Variants in PRPF31 observed in about 807,000 individuals in gnomAD.
The protein encoded by PRPF31 is pre-mRNA processing factor 31.
In PRPF31, 12 loss-of-function variants were observed where a neutral mutation model predicts 60.4. That is an observed-to-expected ratio of 0.20 (90% CI 0.13 to 0.32). PRPF31 has a LOEUF of 0.32. PRPF31 is among the 10% of genes least tolerant of loss of function. The pLI is 1.00. For missense variants in PRPF31, 431 were observed against 687.1 expected, an observed-to-expected ratio of 0.63 and a Z score of 4.17; for synonymous variants, 287 against 287.9, an observed-to-expected ratio of 1.00 and a Z score of 0.03.
At chr19:54,130,501 T>C (rs2074026011) in intron 13 of PRPF31, among the ~76,000 whole-genome samples, 1 of 152,114 alleles carries the variant, frequency 6.6e-6, no homozygotes, top group Non-Finnish European at 1.5e-5. Context: ...GGCGGGCGCC[T>C]GTAGTCCCAG....
chr19:54,121,537 T>C (rs587665601), intron 3 of PRPF31, among the ~76,000 whole-genome samples: 3 of 152,256 alleles, frequency 2.0e-5, no homozygotes, highest in African/African-American at 7.2e-5. Context: ...CACTGGTCCC[T>C]GCAGAGCTTC....
chr19:54,129,397 C>T (rs776065664), intron 13 of PRPF31, 27 bp downstream of exon 13: 28 of 1,565,236 alleles, frequency 1.8e-5, no homozygotes, highest in Non-Finnish European at 2.4e-5. Context: ...GGCTCTGTCC[C>T]CAGCCCTGAG....
At chr19:54,123,167 C>T in intron 5 of PRPF31, 1 of 566,752 alleles carries the variant, frequency 1.8e-6, no homozygotes, top group Non-Finnish European at 3.2e-6. Context: ...TGCACTCCGA[C>T]TTGACGCAGG....
chr19:54,128,041 C>T (rs1160610758), intron 9 of PRPF31, 32 bp from the exon 10 acceptor site: 3 of 1,548,186 alleles, frequency 1.9e-6, no homozygotes, highest in Non-Finnish European at 2.6e-6. Context: ...CCCACGCGAG[C>T]AGCTGCAGGA....
chr19:54,119,269 C>T (rs2073728805), intron 3 of PRPF31, among the ~76,000 whole-genome samples: 1 of 151,696 alleles, frequency 6.6e-6, no homozygotes, highest in South Asian at 2.1e-4. Context: ...GTAGTCCCAG[C>T]TACTCAGGAG....
intron 3 of PRPF31, chr19:54,118,845 T>C: frequency 1.6e-6 from 1 of 606,380 alleles, no homozygotes. Context: ...TGTGCTGAGC[T>C]TACTGATCAT....
rs755382635 is a variant in PRPF31 at position 54,123,908 on chromosome 19, C to T, written c.687C>T (p.Ala229=). Residue 229 remains alanine, a synonymous_variant, in exon 7 of 14, where the codon GCC becomes GCT. Transcript: ENST00000321030. ...LSIIIGASTA[A]KIMGVAGGLT... ...TCATTATCGGGGCATCCACGGCCGC[C>T]AAGATCATGGGTGAGTCCCCGGGCT... The T allele has an allele frequency of 6.2e-7, 1 of 1,613,810 alleles. No homozygotes were observed. The highest frequency in any genetic ancestry group is 1.3e-5 in the African/African-American group (1 of 75,048).
At chr19:54,122,816 T>C in intron 5 of PRPF31, 1 of 624,320 alleles carries the variant, frequency 1.6e-6, no homozygotes, top group Non-Finnish European at 2.9e-6. Flanking sequence ...CCCGCTGGCC[T>C]GACCCACGCT....
intron 7 of PRPF31, chr19:54,124,290 A>C: frequency 1.6e-6 from 1 of 644,718 alleles, no homozygotes; most frequent in Non-Finnish European, 2.7e-6. Flanking sequence ...CTGCACCCCC[A>C]GGCCAGCTGC....
At position 54,122,739 on chromosome 19, in the gene PRPF31, G is replaced by A. The variant is rs587623605; in HGVS notation, c.420+145G>A. 7.7e-5 allele frequency: 58 copies of A among 748,618 alleles called. 2 individuals are homozygous for A. The South Asian group carries it at 8.2e-4, about 11-fold the overall frequency. The allele number at this position is 748,618 out of a possible 1,614,324, so 46.4% of individuals were successfully genotyped here. A position where few individuals can be genotyped will look rare whatever the true frequency, so the allele number is the denominator to read the frequency against. ...CAGTGGTCTGCTCTGCCCAGCGTGG[G>A]AGGGACGGAGCCTGGACAGGACTTT... is the stretch of plus-strand genomic sequence containing the variant. On this transcript the variant is annotated intron_variant, in intron 5 of 13. Coordinates refer to ENST00000321030, the MANE Select transcript of PRPF31 (RefSeq NM_015629.4).
Position 54,128,194 on chromosome 19 carries a change from G to A in PRPF31, c.1067G>A (p.Gly356Asp). ...PLDGQRKKRG[G>D]RRYRKMKERL... ...GATGGACAGCGGAAGAAGCGAGGCG[G>A]CCGCAGGTGAGGGGCCCTGGGGGTC... Residue 356 changes from glycine (G) to aspartate (D), a missense_variant, in exon 10 of 14, where the codon GGC (glycine) becomes GAC (aspartate). Transcript: ENST00000321030. 1 of 1,570,772 alleles carries A rather than the reference G, an allele frequency of 6.4e-7. No homozygotes were observed. Among genetic ancestry groups the A allele is most frequent in the Non-Finnish European group, 8.6e-7 (1 of 1,160,220 alleles).
intron 13 of PRPF31, among the ~76,000 whole-genome samples, chr19:54,130,407 T>C (rs1013629761): frequency 3.9e-5 from 6 of 151,910 alleles, no homozygotes; most frequent in Admixed American, 3.3e-4. Flanking sequence ...AGGTGGATCA[T>C]GAGGTCAGGA....
chr19:54,126,674 C>T (rs2073930125), intron 9 of PRPF31, 57 bp downstream of exon 9: 1 of 1,523,776 alleles, frequency 6.6e-7, no homozygotes, highest in Non-Finnish European at 9.0e-7. Flanking sequence ...CCTGGGGTGT[C>T]TCTGCAGGGA....
intron 10 of PRPF31, 32 bp downstream of exon 10, chr19:54,128,232 G>A (rs1442355050): frequency 1.3e-6 from 2 of 1,565,638 alleles, no homozygotes; most frequent in Non-Finnish European, 1.7e-6. Context: ...GTAGGCATGG[G>A]GGTCATGGAG....
intron 9 of PRPF31, 114 bp from the exon 10 acceptor site, chr19:54,127,959 G>T: frequency 7.1e-7 from 1 of 1,414,776 alleles, no homozygotes; most frequent in African/African-American, 1.4e-5. Context: ...CGGTGAGGCA[G>T]CATTAGGTGC....
At position 54,122,441 on chromosome 19, in the gene PRPF31, A is replaced by G. The variant is rs1355227554; in HGVS notation, c.323-56A>G. 5 of 1,362,308 alleles carry G rather than the reference A, an allele frequency of 3.7e-6. No individual in the cohort carries two copies. The Admixed American group carries it at 5.0e-5, about 14-fold the overall frequency. The allele number at this position is 1,362,308 out of a possible 1,614,324, so 84.4% of individuals were successfully genotyped here. On this transcript the variant is annotated intron_variant, in intron 4 of 13. Transcript: ENST00000321030. ...GAAGGGGACATGGGTGTTAGGGCCAACCAGCAGAGTCTACCTTCCATCTCA... is the reference window on the plus strand; with the variant it reads ...GAAGGGGACATGGGTGTTAGGGCCAGCCAGCAGAGTCTACCTTCCATCTCA...
At chr19:54,127,561 T>C (rs1347468013) in intron 9 of PRPF31, among the ~76,000 whole-genome samples, 1 of 152,220 alleles carries the variant, frequency 6.6e-6, no homozygotes, top group African/African-American at 2.4e-5. Flanking sequence ...GGCATGTGTG[T>C]GTTGGTGGGG....
Position 54,123,370 on chromosome 19 carries a change from A to G in PRPF31, c.421-84A>G, listed in dbSNP as rs61093903. ...TGACTGTCCCAGTGTCCCTAAGAAG[A>G]GACCTGAGGAGGTGCTGAGCAAGAG... On this transcript the variant is annotated intron_variant, in intron 5 of 13. Transcript: ENST00000321030. 3.0e-3 allele frequency: 2,998 copies of G among 1,013,746 alleles called. 49 individuals carry two copies. The African/African-American group carries it at 0.04, about 14-fold the overall frequency. The allele number at this position is 1,013,746 out of a possible 1,614,324, so 62.8% of individuals were successfully genotyped here. A position where few individuals can be genotyped will look rare whatever the true frequency, so the allele number is the denominator to read the frequency against.
chr19:54,123,827 C>A lies in PRPF31; in HGVS notation c.606C>A (p.His202Gln). 1 of 1,613,820 alleles carries A rather than the reference C, an allele frequency of 6.2e-7. No individual in the cohort carries two copies. The highest frequency in any genetic ancestry group is 8.5e-7 in the Non-Finnish European group (1 of 1,180,016). Residue 202 changes from histidine (H) to glutamine (Q), a missense_variant, in exon 7 of 14, where the codon CAC becomes CAA. Around this residue, in one of 4 missense-constraint regions of PRPF31, gnomAD observed 314 missense variants for 475.3 expected, o/e 0.66. Coordinates refer to ENST00000321030, the MANE Select transcript of PRPF31 (RefSeq NM_015629.4). Reference sequence around the variant, plus strand: ...CGCTGGAGCTGAACGCCTCCAAGCACCGCATCTACGAGTATGTGGAGTCCC... The same window carrying A: ...CGCTGGAGCTGAACGCCTCCAAGCAACGCATCTACGAGTATGTGGAGTCCC... ...DMALELNASK[H>Q]RIYEYVESRM...
Sources: gnomAD v4.1 joint callset for allele counts (sites outside exome capture counted in the v4.1 genomes callset) on GRCh38, gnomAD v4.1.1 for gene constraint, gnomAD v4.1.1 regional missense constraint, MANE v1.5 for transcripts, NCBI Gene and HGNC (gene_info 2026-07-23, HGNC 2026-07-21) for gene names.